The following PEX14 variants were observed in gnomAD, a reference collection of about 807,000 sequenced individuals.
PEX14 encodes peroxisomal biogenesis factor 14, also known as peroxisomal membrane protein PEX14.
PEX14 carries 15 observed loss-of-function variants against 49.5 expected under a neutral mutation model. The observed-to-expected ratio is 0.30, with a 90% CI of 0.20 to 0.47. PEX14 has a LOEUF of 0.47. Ranked by LOEUF, PEX14 falls within the 20% of genes least tolerant of loss-of-function variation. The pLI, the probability that PEX14 is intolerant of heterozygous loss-of-function variation, is 1.00. For missense variants in PEX14, 398 were observed against 494.8 expected, an observed-to-expected ratio of 0.80 and a Z score of 1.86; for synonymous variants, 210 against 212.7, an observed-to-expected ratio of 0.99 and a Z score of 0.11.
chr1:10,622,061 T>G (rs1220644436), intron 5 of PEX14, among the ~76,000 whole-genome samples: 1 of 152,150 alleles, frequency 6.6e-6, no homozygotes, highest in African/African-American at 2.4e-5. Flanking sequence ...CCCGAGTGGC[T>G]GGACGTCAGT....
chr1:10,591,300 G>A (rs1640657103), intron 3 of PEX14, among the ~76,000 whole-genome samples: 2 of 151,718 alleles, frequency 1.3e-5, no homozygotes, highest in Admixed American at 1.3e-4. Flanking sequence ...AGCCACAGTG[G>A]GTTAAGCAAG....
chr1:10,491,385 C>G (rs538850518), intron 1 of PEX14, among the ~76,000 whole-genome samples: 1 of 152,096 alleles, frequency 6.6e-6, no homozygotes, highest in East Asian at 1.9e-4. Context: ...CACATGCACC[C>G]TTTTTTTCTT....
In PEX14 at chr1:10,597,842, G is replaced by A. The variant is rs144177433; in HGVS notation, c.170-1396G>A. 9.2e-5 allele frequency among the ~76,000 whole-genome samples: 14 copies of A among 152,304 alleles called. No homozygotes were observed. In the East Asian group the frequency reaches 2.1e-3, roughly 23 times the overall value. The stretch of plus-strand genomic sequence containing the variant: ...AGTCCAGGGCTGTTTAGAAAAGTTC[G>A]GGCATTTTCCTTTGACTAGCTGTGG... On this transcript the variant is annotated intron_variant, in intron 3 of 8. Transcript: ENST00000356607. The surrounding 1 kb of genome is among the most constrained non-coding windows in gnomAD (Gnocchi z 5.7).
Position 10,529,686 on chromosome 1 carries a change from T to A in PEX14, c.85-6527T>A, listed in dbSNP as rs556956056. ...TATATCAATGAGTTTTAAGAGAGAC[T>A]AGGGTCAATAATGCATGCTTTAGAA... is the stretch of plus-strand genomic sequence containing the variant. On this transcript the variant is annotated intron_variant, in intron 2 of 8. Coordinates refer to ENST00000356607, the MANE Select transcript of PEX14 (RefSeq NM_004565.3). This position sits in a 1 kb window ranked among gnomAD's most constrained non-coding sequence, Gnocchi z 4.2. Among the ~76,000 whole-genome samples, 173 of 152,346 alleles carry A rather than the reference T, an allele frequency of 1.1e-3. No individual in the cohort carries two copies. In the Middle Eastern group the frequency reaches 0.024, roughly 21 times the overall value.
In PEX14 at chr1:10,585,347, G is replaced by T. The variant is rs185657109; in HGVS notation, c.170-13891G>T. Among the ~76,000 whole-genome samples the T allele has an allele frequency of 3.1e-4, 47 of 152,118 alleles. 3 individuals carry two copies. In the South Asian group the frequency reaches 6.2e-3, roughly 20 times the overall value. ...ACTGAATTAAAAAGAAGACAGGAGA[G>T]AAAAGAGAGCACTAAACAGGTCAAA... On this transcript the variant is annotated intron_variant, in intron 3 of 8. Coordinates refer to ENST00000356607, the MANE Select transcript of PEX14 (RefSeq NM_004565.3).
intron 3 of PEX14, among the ~76,000 whole-genome samples, chr1:10,585,741 G>A (rs951415627): frequency 1.3e-5 from 2 of 152,142 alleles, no homozygotes; most frequent in Admixed American, 6.5e-5. Flanking sequence ...CCAACATGGC[G>A]AAACCCTGTC....
Position 10,539,351 on chromosome 1 carries a change from T to G in PEX14, c.169+3054T>G, listed in dbSNP as rs914896622. Among the ~76,000 whole-genome samples the G allele has an allele frequency of 1.3e-5, 2 of 152,232 alleles. No individual in the cohort carries two copies. Among genetic ancestry groups the G allele is most frequent in the Admixed American group, 6.5e-5 (1 of 15,282 alleles). ...GCCATTAATGAGAAACGTGAAGTTA[T>G]TAGAATCATTTATCATTTTCTTTGA... On this transcript the variant is annotated intron_variant, in intron 3 of 8. Transcript: ENST00000356607. The surrounding 1 kb of genome is among the most constrained non-coding windows in gnomAD (Gnocchi z 4.6).
At chr1:10,538,216 G>A (rs1385192514) in intron 3 of PEX14, among the ~76,000 whole-genome samples, 1 of 152,200 alleles carries the variant, frequency 6.6e-6, no homozygotes, top group East Asian at 1.9e-4. Flanking sequence ...TGCCAGAGTT[G>A]GTGTGGGCTG....
rs1640173460 is a variant in PEX14 at position 10,577,554 on chromosome 1, ATATATATATT to A, written c.170-21682_170-21673del. Among the ~76,000 whole-genome samples, 32 of 8,076 alleles carry A rather than the reference ATATATATATT, an allele frequency of 4.0e-3. 1 individual carries two copies. The highest frequency in any genetic ancestry group is 0.01 in the African/African-American group (32 of 3,190). The allele number at this position is 8,076 out of a possible 152,430, so 5.3% of individuals were successfully genotyped here. A position where few individuals can be genotyped will look rare whatever the true frequency, so the allele number is the denominator to read the frequency against. On this transcript the variant is annotated intron_variant, in intron 3 of 8. Coordinates refer to ENST00000356607, the MANE Select transcript of PEX14 (RefSeq NM_004565.3). ...CATATATATATATATATATATATAT[ATATATATATT>A]TTTTTTTTTTTTTTTTTTTTTTTTT...
intron 2 of PEX14, among the ~76,000 whole-genome samples, chr1:10,526,199 C>T (rs1310682703): frequency 1.3e-5 from 2 of 149,846 alleles, no homozygotes; most frequent in Non-Finnish European, 3.0e-5. Context: ...GGATTACAGG[C>T]GTGAGCCACT....
intron 1 of PEX14, among the ~76,000 whole-genome samples, chr1:10,492,143 G>C (rs1641485087): frequency 1.3e-5 from 2 of 152,126 alleles, no homozygotes; most frequent in African/African-American, 4.8e-5. Flanking sequence ...AATTTAAAAG[G>C]TACTAAAGGG....
chr1:10,550,409 A>AC (rs1639301396), intron 3 of PEX14, among the ~76,000 whole-genome samples: 1 of 152,220 alleles, frequency 6.6e-6, no homozygotes, highest in African/African-American at 2.4e-5. Flanking sequence ...GTCAGCTGTG[A>AC]CCAAGTTCAG....
chr1:10,498,397 G>GTCAA (rs1641608298), intron 2 of PEX14, among the ~76,000 whole-genome samples: 1 of 152,212 alleles, frequency 6.6e-6, no homozygotes, highest in Admixed American at 6.5e-5. Context: ...TTGTGATGTA[G>GTCAA]TCAATATGTG....
chr1:10,560,247 G>T (rs896931490), intron 3 of PEX14, among the ~76,000 whole-genome samples: 2 of 151,968 alleles, frequency 1.3e-5, no homozygotes, highest in Non-Finnish European at 2.9e-5. Flanking sequence ...AGTAGAGACG[G>T]TGTTTCTCCA....
intron 1 of PEX14, among the ~76,000 whole-genome samples, chr1:10,484,006 G>A (rs1042099221): frequency 2.0e-5 from 3 of 148,860 alleles, no homozygotes; most frequent in Non-Finnish European, 4.4e-5. Context: ...GTATGTATCA[G>A]TAATTATCAG....
At chr1:10,479,067 A>G (rs1242899014) in intron 1 of PEX14, among the ~76,000 whole-genome samples, 1 of 151,764 alleles carries the variant, frequency 6.6e-6, no homozygotes, top group Non-Finnish European at 1.5e-5. Context: ...ATGTATTTTT[A>G]AAACAATTTT....
chr1:10,621,535 C>T (rs1038541266), intron 5 of PEX14, among the ~76,000 whole-genome samples: 6 of 151,946 alleles, frequency 3.9e-5, no homozygotes, highest in Admixed American at 1.3e-4. Flanking sequence ...TTAGTAGAGA[C>T]GGAGTTTCAC....
chr1:10,539,230 A>C lies in PEX14; in HGVS notation c.169+2933A>C, dbSNP rs1381700107. On this transcript the variant is annotated intron_variant, in intron 3 of 8. Coordinates refer to ENST00000356607, the MANE Select transcript of PEX14 (RefSeq NM_004565.3). This position sits in a 1 kb window ranked among gnomAD's most constrained non-coding sequence, Gnocchi z 4.6. ...TGAGTAGGGAATGAGTGGTATAGGG[A>C]TGGAAGAGCATTGGTTTGCAAAGGT... Among the ~76,000 whole-genome samples, 7 of 151,802 alleles carry C rather than the reference A, an allele frequency of 4.6e-5. No individual in the cohort carries two copies. Among genetic ancestry groups the C allele is most frequent in the Non-Finnish European group, 1.0e-4 (7 of 67,974 alleles).
At chr1:10,585,955 A>G (rs1010884554) in intron 3 of PEX14, among the ~76,000 whole-genome samples, 4 of 152,274 alleles carry the variant, frequency 2.6e-5, no homozygotes, top group African/African-American at 9.6e-5. Flanking sequence ...AAAATGGTCA[A>G]TCACCAACAA....
Sources: allele counts gnomAD v4.1 joint callset (sites outside exome capture counted in the v4.1 genomes callset), GRCh38; gene constraint gnomAD v4.1.1; non-coding constraint Gnocchi (gnomAD v3.1); transcripts MANE v1.5; gene names NCBI Gene and HGNC (gene_info 2026-07-23, HGNC 2026-07-21).